The following CCDC180 variants were observed in gnomAD, a reference collection of about 807,000 sequenced individuals.
CCDC180 encodes the protein coiled-coil domain-containing protein 180.
In CCDC180, 154 loss-of-function variants were observed where a neutral mutation model predicts 209.2. The observed-to-expected ratio is 0.74, with a 90% CI of 0.65 to 0.84. The LOEUF is 0.84. CCDC180 is among the 40% of genes least tolerant of loss of function. CCDC180 has a pLI of 0.00. For synonymous variants in CCDC180, 778 were observed against 749.1 expected (o/e 1.04, Z -0.63); for missense variants, 1,874 against 1,997.3 (o/e 0.94, Z 1.18).
Position 97,374,552 on chromosome 9 carries a change from C to A in CCDC180, c.4610C>A (p.Pro1537His), listed in dbSNP as rs1827189566. The A allele has an allele frequency of 1.2e-6, 2 of 1,613,518 alleles. No individual in the cohort carries two copies. The highest frequency in any genetic ancestry group is 1.1e-5 in the South Asian group (1 of 91,030). ...IDDVQVARME[P>H]PKQKLSMLIR... ...TGTCTTTTGCCTCTAGGGATGGAGC[C>A]CCCCAAACAGAAATTATCAATGCTC... The change falls in exon 35 of 37, where the codon CCC becomes CAC. Residue 1537 changes from proline to histidine, a missense_variant. Physicochemically the swap from Pro to His is moderately conservative, Grantham distance 77. Transcript: ENST00000529487.
rs367984907 is a variant in CCDC180, at chr9:97,354,572, G to A, written c.3006G>A (p.Leu1002=). Reference sequence around the variant, plus strand: ...ATTTGTCTTTGATTATTTTCAGATTGTTTTCAGAGGGAGGCAACTTTTCTC... The same window carrying A: ...ATTTGTCTTTGATTATTTTCAGATTATTTTCAGAGGGAGGCAACTTTTCTC... ...SNIEFIKHCR[L]FSEGGNFSPK... The change falls in exon 23 of 37, where the codon TTG becomes TTA. Residue 1002 remains leucine, a synonymous_variant. Transcript: ENST00000529487. 37 of 1,613,910 alleles carry A rather than the reference G, an allele frequency of 2.3e-5. No individual in the cohort carries two copies. Among genetic ancestry groups the A allele is most frequent in the Admixed American group, 3.3e-5 (2 of 60,002 alleles).
chr9:97,341,574 C>A (rs1389081475), intron 18 of CCDC180, among the ~76,000 whole-genome samples: 3 of 152,164 alleles, frequency 2.0e-5, no homozygotes, highest in Non-Finnish European at 4.4e-5. Context: ...GGGCACCTGG[C>A]TGTATGAGGT....
At chr9:97,310,875 G>C (rs1222735295) in intron 3 of CCDC180, among the ~76,000 whole-genome samples, 1 of 152,190 alleles carries the variant, frequency 6.6e-6, no homozygotes. Flanking sequence ...CACCCTGCCT[G>C]ATGCCCCAGG....
At chr9:97,373,930 G>C (rs552755550) in intron 34 of CCDC180, 1 of 152,434 alleles carries the variant, frequency 6.6e-6, no homozygotes, top group Admixed American at 6.5e-5. Context: ...ACAGTGCCTT[G>C]CAAGGAACCC....
At position 97,314,388 on chromosome 9, in the gene CCDC180, T is replaced by G. The variant is rs1833087983; in HGVS notation, c.460-5T>G. On this transcript the variant is annotated splice_region_variant and splice_polypyrimidine_tract_variant and intron_variant, in intron 5 of 36. Transcript: ENST00000529487. ...CTTGGCCATCATACCCCTGGCCTGT[T>G]GCAGGAAATGGAACCTCTCATCGTG... 1.2e-6 allele frequency: 2 copies of G among 1,614,144 alleles called. No individual in the cohort carries two copies. Among genetic ancestry groups the G allele is most frequent in the Non-Finnish European group, 1.7e-6 (2 of 1,180,004 alleles).
chr9:97,341,353 G>A (rs893512009), intron 18 of CCDC180, among the ~76,000 whole-genome samples: 11 of 152,134 alleles, frequency 7.2e-5, no homozygotes, highest in Non-Finnish European at 1.0e-4. Context: ...GAGACCCACC[G>A]ACCCTGTGGG....
At chr9:97,321,122 T>G (rs1200570337) in intron 11 of CCDC180, among the ~76,000 whole-genome samples, 1 of 152,280 alleles carries the variant, frequency 6.6e-6, no homozygotes, top group African/African-American at 2.4e-5. Flanking sequence ...TTTGCCGAAC[T>G]GTAGGCTAAT....
chr9:97,339,028 C>T (rs1825995114), intron 18 of CCDC180, among the ~76,000 whole-genome samples: 1 of 152,070 alleles, frequency 6.6e-6, no homozygotes, highest in Non-Finnish European at 1.5e-5. Flanking sequence ...TTCCTCCATC[C>T]CTTTATTTTG....
chr9:97,337,033 A>T (rs1050251091), intron 18 of CCDC180, among the ~76,000 whole-genome samples: 2 of 152,194 alleles, frequency 1.3e-5, no homozygotes, highest in African/African-American at 4.8e-5. Context: ...GACTTTGCTG[A>T]AGTTGCTTAT....
intron 11 of CCDC180, among the ~76,000 whole-genome samples, chr9:97,320,889 G>C (rs1221374213): frequency 6.6e-6 from 1 of 152,170 alleles, no homozygotes; most frequent in South Asian, 2.1e-4. Context: ...ACTTAGGATG[G>C]TTCAACTTGG....
intron 16 of CCDC180, among the ~76,000 whole-genome samples, chr9:97,328,695 A>C (rs1306181038): frequency 1.1e-4 from 16 of 151,774 alleles, no homozygotes; most frequent in Admixed American, 8.5e-4. Context: ...CATACCTCCA[A>C]TTCACTACCA....
intron 5 of CCDC180, among the ~76,000 whole-genome samples, 160 bp from the exon 6 acceptor site, chr9:97,314,233 G>A (rs1168811921): frequency 2.6e-5 from 4 of 152,366 alleles, no homozygotes; most frequent in South Asian, 4.1e-4. Context: ...AGCGTGTGGC[G>A]TGGTTGTGAG....
At position 97,361,884 on chromosome 9, in the gene CCDC180, C is replaced by G. The variant is rs376291997; in HGVS notation, c.3642C>G (p.Ile1214Met). 1.3e-5 allele frequency: 21 copies of G among 1,614,010 alleles called. No individual in the cohort carries two copies. The highest frequency in any genetic ancestry group is 1.8e-5 in the Non-Finnish European group (21 of 1,179,970). ...PLIEDPAVDV[I>M]RKLLQLPNTK... ...TTGAGGACCCAGCTGTGGATGTGAT[C>G]AGGAAGCTCCTGCAGTGAGTGGCCC... Residue 1214 changes from isoleucine (I) to methionine (M), a missense_variant, in exon 27 of 37, where the codon ATC (isoleucine) becomes ATG (methionine). Ile to Met is a conservative substitution (Grantham distance 10). Coordinates refer to ENST00000529487, the MANE Select transcript of CCDC180 (RefSeq NM_020893.6).
chr9:97,370,326 G>A lies in CCDC180; in HGVS notation c.4350+244G>A, dbSNP rs578005487. ...TGGGTGGGTGTGCTGGGTTCCGTGG[G>A]GCTGTAGTCATTAAGACAGCAATAA... On this transcript the variant is annotated intron_variant, in intron 32 of 36. Coordinates refer to ENST00000529487, the MANE Select transcript of CCDC180 (RefSeq NM_020893.6). Among the ~76,000 whole-genome samples, 7 of 152,248 alleles carry A rather than the reference G, an allele frequency of 4.6e-5. No homozygotes were observed. In the East Asian group the frequency reaches 1.4e-3, roughly 29 times the overall value.
At chr9:97,324,989 A>G (rs1833483305) in intron 13 of CCDC180, 30 bp from the exon 14 acceptor site, 4 of 1,602,876 alleles carry the variant, frequency 2.5e-6, no homozygotes, top group Non-Finnish European at 3.4e-6. Context: ...GTCAGCCCTT[A>G]AGTCCCTTCT....
Position 97,309,571 on chromosome 9 carries a change from A to G in CCDC180, c.227A>G (p.Asn76Ser), listed in dbSNP as rs779743714. The G allele has an allele frequency of 3.1e-6, 5 of 1,589,510 alleles. No individual in the cohort carries two copies. Among genetic ancestry groups the G allele is most frequent in the South Asian group, 1.1e-5 (1 of 87,066 alleles). Residue 76 changes from asparagine (N) to serine (S), a missense_variant, in exon 3 of 37, where the codon AAC becomes AGC. Coordinates refer to ENST00000529487, the MANE Select transcript of CCDC180 (RefSeq NM_020893.6). The stretch of plus-strand genomic sequence containing the variant: ...CAGAAGTGGATGCACAGCCTCCCCA[A>G]CGACTGGATCATGGAAAACCCTGTT... ...RQQKWMHSLP[N>S]DWIMENPVLH...
intron 29 of CCDC180, chr9:97,365,345 TCA>T (rs1247302178): frequency 4.1e-6 from 1 of 244,138 alleles, no homozygotes; most frequent in East Asian, 9.7e-5. Flanking sequence ...AATCAGCCAG[TCA>T]CACAAATCAA....
At chr9:97,313,974 C>T (rs1316201789) in intron 5 of CCDC180, among the ~76,000 whole-genome samples, 1 of 152,218 alleles carries the variant, frequency 6.6e-6, no homozygotes, top group African/African-American at 2.4e-5. Context: ...AACAGGCTCT[C>T]CAGCCGTGTT....
chr9:97,377,052 G>A lies in CCDC180; in HGVS notation c.*158G>A. 2.8e-6 allele frequency: 2 copies of A among 712,860 alleles called. No individual in the cohort carries two copies. The highest frequency in any genetic ancestry group is 4.2e-6 in the Non-Finnish European group (2 of 470,840). 44.2% of individuals were successfully genotyped at this position (712,860 alleles called of 1,614,324 possible). ...TTTACCAGCGAACAGGACACAGCAT[G>A]GTCCCTGCCCACGTGGAGCCCTCTT... is the stretch of plus-strand genomic sequence containing the variant. On this transcript the variant is annotated 3_prime_UTR_variant, in exon 37 of 37. Coordinates refer to ENST00000529487, the MANE Select transcript of CCDC180 (RefSeq NM_020893.6).
Sources: gnomAD v4.1 joint callset for allele counts (sites outside exome capture counted in the v4.1 genomes callset) on GRCh38, gnomAD v4.1.1 for gene constraint, MANE v1.5 for transcripts, NCBI Gene and HGNC (gene_info 2026-07-23, HGNC 2026-07-21) for gene names.